Variants in SHC3 observed in about 807,000 individuals in gnomAD.
SHC3 encodes SHC adaptor protein 3, also known as SHC-transforming protein 3.
In SHC3, 15 loss-of-function variants were observed where a neutral mutation model predicts 60.4. The ratio of observed to expected loss-of-function variants is 0.25; its 90% CI spans 0.17 to 0.38. The LOEUF (loss-of-function observed/expected upper bound fraction) is 0.38. Ranked by LOEUF, SHC3 falls within the 10% of genes least tolerant of loss-of-function variation. The pLI, the probability that SHC3 is intolerant of heterozygous loss-of-function variation, is 1.00. For missense variants in SHC3, 677 were observed against 786.1 expected, an observed-to-expected ratio of 0.86 and a Z score of 1.66; for synonymous variants, 294 against 325.9, an observed-to-expected ratio of 0.90 and a Z score of 1.05.
At chr9:89,133,019 G>A (rs1439029514) in intron 1 of SHC3, among the ~76,000 whole-genome samples, 1 of 152,036 alleles carries the variant, frequency 6.6e-6, no homozygotes, top group Non-Finnish European at 1.5e-5. Context: ...ATCTGACAAA[G>A]GGCTAATATC....
rs543131725 is a variant in SHC3 at position 89,040,820 on chromosome 9, G to A, written c.1360+1206C>T. ...AGATTATTTTTGTTAAGTCAAAATG[G>A]GGGTCCAGTGTGTCTGGGAAGTCAA... On this transcript the variant is annotated intron_variant, in intron 10 of 11. Coordinates refer to ENST00000375835, the MANE Select transcript of SHC3 (RefSeq NM_016848.6). 3.5e-4 allele frequency among the ~76,000 whole-genome samples: 54 copies of A among 152,240 alleles called. No individual in the cohort carries two copies. In the South Asian group the frequency reaches 0.011, roughly 30 times the overall value.
At chr9:89,016,830 T>C (rs1388418665) in intron 11 of SHC3, among the ~76,000 whole-genome samples, 1 of 152,218 alleles carries the variant, frequency 6.6e-6, no homozygotes, top group Non-Finnish European at 1.5e-5. Flanking sequence ...CCAAGTGGAA[T>C]TTATTTCAGG....
intron 1 of SHC3, among the ~76,000 whole-genome samples, chr9:89,129,622 G>A (rs898366825): frequency 6.6e-6 from 1 of 152,014 alleles, no homozygotes; most frequent in Non-Finnish European, 1.5e-5. Context: ...TAAAGAAAAG[G>A]ATTTTCAACC....
chr9:89,128,711 C>A (rs1826199276), intron 1 of SHC3, among the ~76,000 whole-genome samples: 1 of 152,144 alleles, frequency 6.6e-6, no homozygotes, highest in African/African-American at 2.4e-5. Context: ...GGAAAACTAA[C>A]AAACAGAAAA....
intron 1 of SHC3, among the ~76,000 whole-genome samples, chr9:89,168,445 C>G (rs1254575037): frequency 6.6e-6 from 1 of 151,796 alleles, no homozygotes; most frequent in South Asian, 2.1e-4. Context: ...GCCTGGGCAA[C>G]AAGAGCAAAA....
intron 11 of SHC3, among the ~76,000 whole-genome samples, chr9:89,030,999 C>A (rs1298459574): frequency 1.3e-5 from 2 of 152,224 alleles, no homozygotes; most frequent in East Asian, 1.9e-4. Flanking sequence ...CAGCCTTGAA[C>A]TCTGCCTCAG....
At position 89,040,564 on chromosome 9, in the gene SHC3, C is replaced by T. The variant is rs1824672889; in HGVS notation, c.1360+1462G>A. On this transcript the variant is annotated intron_variant, in intron 10 of 11. Coordinates refer to ENST00000375835, the MANE Select transcript of SHC3 (RefSeq NM_016848.6). ...TCATTGGTAAATTGACTATATTAAA[C>T]AGTAAAAATGGTCTAACCAGACATG... 4.6e-5 allele frequency among the ~76,000 whole-genome samples: 7 copies of T among 152,228 alleles called. No individual in the cohort carries two copies. In the South Asian group the frequency reaches 1.5e-3, roughly 32 times the overall value.
chr9:89,029,372 AT>A (rs1824432932), intron 11 of SHC3, among the ~76,000 whole-genome samples: 1 of 152,120 alleles, frequency 6.6e-6, no homozygotes, highest in African/African-American at 2.4e-5. Flanking sequence ...AAAGAAAAAA[AT>A]TAAAAATTTA....
chr9:89,096,239 A>T (rs995206906), intron 2 of SHC3, among the ~76,000 whole-genome samples: 5 of 152,186 alleles, frequency 3.3e-5, no homozygotes, highest in African/African-American at 1.2e-4. Flanking sequence ...AGATGATTGG[A>T]GATTCCTAGA....
chr9:89,018,524 A>C (rs1184686914), intron 11 of SHC3, among the ~76,000 whole-genome samples: 2 of 152,104 alleles, frequency 1.3e-5, no homozygotes, highest in African/African-American at 2.4e-5. Flanking sequence ...ATTAGGAGAA[A>C]TACCTAATGT....
intron 1 of SHC3, among the ~76,000 whole-genome samples, chr9:89,146,986 T>C (rs1826477791): frequency 6.6e-6 from 1 of 152,088 alleles, no homozygotes; most frequent in African/African-American, 2.4e-5. Context: ...AAAACAAATG[T>C]ATAAAAATAT....
intron 6 of SHC3, among the ~76,000 whole-genome samples, chr9:89,062,415 A>G (rs971587143): frequency 1.3e-5 from 2 of 152,192 alleles, no homozygotes; most frequent in South Asian, 4.1e-4. Flanking sequence ...ATCCAACTTA[A>G]TGACTTGGGT....
rs1826986026 is a variant in SHC3 at position 89,178,686 on chromosome 9, G to A, written c.-226C>T. On this transcript the variant is annotated 5_prime_UTR_variant, in exon 1 of 12. Coordinates refer to ENST00000375835, the MANE Select transcript of SHC3 (RefSeq NM_016848.6). The surrounding 1 kb of genome is among the most constrained non-coding windows in gnomAD (Gnocchi z 6.9). The stretch of plus-strand genomic sequence containing the variant: ...GCCCCGGCCCGGGAGACCGCTGCTT[G>A]GGGTTGCACGTTTGCTTTGCAAAAG... 1 of 416,690 alleles carries A rather than the reference G, an allele frequency of 2.4e-6. No individual in the cohort carries two copies. The highest frequency in any genetic ancestry group is 4.2e-6 in the Non-Finnish European group (1 of 236,556). 25.8% of individuals were successfully genotyped at this position (416,690 alleles called of 1,614,324 possible).
At chr9:89,154,850 A>G (rs1193600375) in intron 1 of SHC3, among the ~76,000 whole-genome samples, 1 of 152,232 alleles carries the variant, frequency 6.6e-6, no homozygotes, top group Non-Finnish European at 1.5e-5. Flanking sequence ...AATAGACCAC[A>G]TCTGCTATCC....
intron 1 of SHC3, among the ~76,000 whole-genome samples, chr9:89,177,181 C>T (rs1826952814): frequency 6.6e-6 from 1 of 152,212 alleles, no homozygotes; most frequent in African/African-American, 2.4e-5. Flanking sequence ...CTGTGCTGAG[C>T]ATTTTTCCTT....
At chr9:89,057,315 CTTTTTTTTT>C (rs10606274) in intron 6 of SHC3, among the ~76,000 whole-genome samples, 1 of 133,750 alleles carries the variant, frequency 7.5e-6, no homozygotes, top group Non-Finnish European at 1.6e-5. Flanking sequence ...TTTCCTTTTT[CTTTTTTTTT>C]TTTTTTTTTT....
At chr9:89,118,881 T>A (rs954292672) in intron 1 of SHC3, among the ~76,000 whole-genome samples, 2 of 152,164 alleles carry the variant, frequency 1.3e-5, no homozygotes, top group African/African-American at 4.8e-5. Flanking sequence ...AAGAGGAGGA[T>A]GTGGGCTGCA....
At chr9:89,116,441 CCA>C (rs1317856767) in intron 1 of SHC3, among the ~76,000 whole-genome samples, 2 of 152,170 alleles carry the variant, frequency 1.3e-5, no homozygotes, top group Non-Finnish European at 1.5e-5. Context: ...ACCACCACCA[CCA>C]CAGAGTTTAT....
At chr9:89,116,258 C>T (rs1178715351) in intron 1 of SHC3, among the ~76,000 whole-genome samples, 1 of 152,132 alleles carries the variant, frequency 6.6e-6, no homozygotes, top group Non-Finnish European at 1.5e-5. Context: ...CTAACAGTAC[C>T]ACGGTGTTGC....
Sources: gnomAD v4.1 joint callset for allele counts (sites outside exome capture counted in the v4.1 genomes callset) on GRCh38, gnomAD v4.1.1 for gene constraint, Gnocchi (gnomAD v3.1) non-coding constraint, MANE v1.5 for transcripts, NCBI Gene and HGNC (gene_info 2026-07-23, HGNC 2026-07-21) for gene names.